Variants in ALK observed in about 807,000 individuals in gnomAD.
The protein encoded by ALK is ALK tyrosine kinase receptor.
A neutral mutation model predicts 163.1 loss-of-function variants in ALK; 74 were observed. The observed-to-expected ratio is 0.45, with a 90% confidence interval of 0.38 to 0.55. ALK has a LOEUF of 0.55. Among genes scored for constraint, ALK ranks in the 20% least tolerant of loss-of-function variants. The probability of loss-of-function intolerance (pLI) is 0.00; values close to 1 mark genes in which losing one functional copy is unlikely to be tolerated. For missense variants in ALK, 2,063 were observed against 2,105.3 expected (o/e 0.98, Z 0.39); for synonymous variants, 960 against 843.2 (o/e 1.14, Z -2.40).
At chr2:29,304,140 G>A (rs953097736) in intron 8 of ALK, among the ~76,000 whole-genome samples, 5 of 152,160 alleles carry the variant, frequency 3.3e-5, no homozygotes, top group African/African-American at 1.2e-4. Flanking sequence ...GCCAGTCAGT[G>A]GTTTCCTGCT....
At chr2:29,749,693 T>A (rs1177979079) in intron 1 of ALK, among the ~76,000 whole-genome samples, 1 of 152,040 alleles carries the variant, frequency 6.6e-6, no homozygotes, top group Non-Finnish European at 1.5e-5. Context: ...GCCCACAGCA[T>A]CTCCAACCCC....
intron 3 of ALK, among the ~76,000 whole-genome samples, chr2:29,582,338 T>C (rs1262900364): frequency 2.0e-5 from 3 of 152,204 alleles, no homozygotes. Flanking sequence ...TCCTTCTAAC[T>C]GCTTCTAAAG....
intron 3 of ALK, among the ~76,000 whole-genome samples, chr2:29,584,508 T>C (rs1009840169): frequency 6.6e-6 from 1 of 152,202 alleles, no homozygotes; most frequent in African/African-American, 2.4e-5. Flanking sequence ...CGTGTGACCA[T>C]GGAAACACTT....
intron 1 of ALK, among the ~76,000 whole-genome samples, chr2:29,881,358 T>A (rs1398079481): frequency 2.0e-5 from 3 of 152,232 alleles, no homozygotes; most frequent in Non-Finnish European, 4.4e-5. Context: ...CAGGCTATTA[T>A]CATTAATTAT....
intron 4 of ALK, among the ~76,000 whole-genome samples, chr2:29,431,246 G>A (rs1670265326): frequency 6.6e-6 from 1 of 152,046 alleles, no homozygotes; most frequent in African/African-American, 2.4e-5. Flanking sequence ...TGATAAATAT[G>A]GGAAGATAAC....
intron 3 of ALK, among the ~76,000 whole-genome samples, chr2:29,682,399 T>C (rs147698073): frequency 4.6e-5 from 7 of 152,302 alleles, no homozygotes; most frequent in Non-Finnish European, 8.8e-5. Flanking sequence ...CCCAGTGCTC[T>C]GACCTATTTT....
intron 11 of ALK, among the ~76,000 whole-genome samples, 200 bp from the exon 12 acceptor site, chr2:29,251,467 G>A (rs1428486317): frequency 3.3e-5 from 5 of 152,250 alleles, no homozygotes; most frequent in African/African-American, 1.2e-4. Context: ...CAGACCCTGA[G>A]TCAGAGACAA....
intron 1 of ALK, among the ~76,000 whole-genome samples, chr2:29,762,968 T>G (rs908751081): frequency 6.6e-6 from 1 of 151,556 alleles, no homozygotes; most frequent in Non-Finnish European, 1.5e-5. Flanking sequence ...ATGCCTATAG[T>G]CCTATCTACT....
At chr2:29,235,725 C>G (rs1371451618) in intron 13 of ALK, among the ~76,000 whole-genome samples, 2 of 152,016 alleles carry the variant, frequency 1.3e-5, no homozygotes, top group African/African-American at 4.8e-5. Context: ...CAGGGTCTCA[C>G]TCTGTCACTC....
Position 29,920,887 on chromosome 2 carries a change from C to G in ALK, c.-228G>C. On this transcript the variant is annotated 5_prime_UTR_variant, in exon 1 of 29. Transcript: ENST00000389048. ...AAGCTCAGGGGCGAGTCCAGAGACA[C>G]TCAAGCACACTGGGCTCACTGGCTG... is the stretch of plus-strand genomic sequence containing the variant. 1.7e-6 allele frequency: 1 copy of G among 577,422 alleles called. No individual in the cohort carries two copies. Among genetic ancestry groups the G allele is most frequent in the Non-Finnish European group, 3.1e-6 (1 of 324,132 alleles). The allele number at this position is 577,422 out of a possible 1,614,324, so 35.8% of individuals were successfully genotyped here.
At chr2:29,614,820 C>T (rs1452719463) in intron 3 of ALK, among the ~76,000 whole-genome samples, 2 of 152,156 alleles carry the variant, frequency 1.3e-5, no homozygotes, top group African/African-American at 2.4e-5. Context: ...ACACAGACAA[C>T]TTCCCCCTCC....
At chr2:29,830,790 G>A (rs917318850) in intron 1 of ALK, among the ~76,000 whole-genome samples, 32 of 141,452 alleles carry the variant, frequency 2.3e-4, no homozygotes, top group African/African-American at 8.2e-4. Flanking sequence ...TATAGTCCCA[G>A]CTACTTGGGA....
At chr2:29,625,553 TA>T (rs1304842485) in intron 3 of ALK, among the ~76,000 whole-genome samples, 1 of 152,146 alleles carries the variant, frequency 6.6e-6, no homozygotes, top group Admixed American at 6.5e-5. Context: ...AAGCAGTAAG[TA>T]GTGTAGACAT....
chr2:29,608,716 G>T (rs1425403241), intron 3 of ALK, among the ~76,000 whole-genome samples: 1 of 152,084 alleles, frequency 6.6e-6, no homozygotes, highest in Admixed American at 6.6e-5. Context: ...TTGTGACCAA[G>T]AAGATGTTTG....
At chr2:29,220,060 A>G (rs1376884774) in intron 23 of ALK, among the ~76,000 whole-genome samples, 2 of 152,164 alleles carry the variant, frequency 1.3e-5, no homozygotes, top group African/African-American at 4.8e-5. Context: ...TTGGTTTTCC[A>G]GAGTCAGCAG....
intron 1 of ALK, among the ~76,000 whole-genome samples, chr2:29,820,398 G>A (rs974199152): frequency 6.6e-6 from 1 of 152,154 alleles, no homozygotes; most frequent in African/African-American, 2.4e-5. Context: ...AAGACCCTGA[G>A]CCAGAACCAT....
intron 1 of ALK, among the ~76,000 whole-genome samples, chr2:29,732,763 C>G (rs1243745402): frequency 6.6e-6 from 1 of 152,142 alleles, no homozygotes; most frequent in Non-Finnish European, 1.5e-5. Context: ...GAGGACACAG[C>G]AAGAAGGCAC....
intron 5 of ALK, among the ~76,000 whole-genome samples, chr2:29,372,887 A>G (rs1410045219): frequency 6.6e-6 from 1 of 152,196 alleles, no homozygotes; most frequent in Non-Finnish European, 1.5e-5. Context: ...GAAGACGGAG[A>G]TGGTGTGGGA....
At position 29,698,348 on chromosome 2, in the gene ALK, C is replaced by T. The variant is rs143864767; in HGVS notation, c.788-3334G>A. Among the ~76,000 whole-genome samples the T allele has an allele frequency of 5.0e-3, 765 of 152,256 alleles. 13 individuals carry two copies. Among genetic ancestry groups the T allele is most frequent in the African/African-American group, 0.017 (703 of 41,536 alleles). On this transcript the variant is annotated intron_variant, in intron 2 of 28. Coordinates refer to ENST00000389048, the MANE Select transcript of ALK (RefSeq NM_004304.5). Reference sequence around the variant, plus strand: ...ATGAAACATGACTAATAAGGAGAGGCGTAGCCATGAAATGTAACTCCTCTA... The same window carrying T: ...ATGAAACATGACTAATAAGGAGAGGTGTAGCCATGAAATGTAACTCCTCTA...
Sources: allele counts gnomAD v4.1 joint callset (sites outside exome capture counted in the v4.1 genomes callset), GRCh38; gene constraint gnomAD v4.1.1; transcripts MANE v1.5; gene names NCBI Gene and HGNC (gene_info 2026-07-23, HGNC 2026-07-21).